TENM2: variants seen among roughly 807,000 people sequenced by gnomAD.
TENM2 encodes the protein teneurin-2.
In TENM2, 52 loss-of-function variants were observed where a neutral mutation model predicts 245.2. The ratio of observed to expected loss-of-function variants is 0.21; its 90% CI spans 0.17 to 0.27. The LOEUF (loss-of-function observed/expected upper bound fraction) is 0.27. Ranked by LOEUF, TENM2 falls within the 10% of genes least tolerant of loss-of-function variation. The pLI is 1.00. For synonymous variants in TENM2, 1,363 were observed against 1,438.9 expected, an observed-to-expected ratio of 0.95 and a Z score of 1.19; for missense variants, 3,046 against 3,666.8, an observed-to-expected ratio of 0.83 and a Z score of 4.37.
chr5:167,109,416 G>A, the TENM2 span, among the ~76,000 whole-genome samples: 2 of 151,504 alleles, frequency 1.3e-5, no homozygotes, highest in Admixed American at 1.3e-4. Context: ...GATCAATTTT[G>A]CATACAGCAG....
chr5:167,755,413 A>ATT (rs138368489), intron 2 of TENM2, among the ~76,000 whole-genome samples: 21 of 149,178 alleles, frequency 1.4e-4, no homozygotes, highest in East Asian at 1.2e-3. Flanking sequence ...GTTGATCTGA[A>ATT]TTTTTTTTTT....
chr5:167,139,448 G>A, the TENM2 span, among the ~76,000 whole-genome samples: 52 of 152,224 alleles, frequency 3.4e-4, 1 homozygote, highest in Admixed American at 1.8e-3. Context: ...TCATATTTTG[G>A]GCGTAAGACC....
the TENM2 span, among the ~76,000 whole-genome samples, chr5:167,207,134 C>T: frequency 9.2e-5 from 14 of 152,188 alleles, no homozygotes; most frequent in Non-Finnish European, 1.6e-4. Context: ...CAAGTTTATT[C>T]CAGTTCTAAA....
chr5:168,151,781 A>T (rs1756675642), intron 12 of TENM2, among the ~76,000 whole-genome samples: 1 of 152,170 alleles, frequency 6.6e-6, no homozygotes, highest in South Asian at 2.1e-4. Context: ...AAAACAAGTG[A>T]CTTGGTATAA....
the TENM2 span, among the ~76,000 whole-genome samples, chr5:167,255,059 ATTTCT>A: frequency 3.5e-5 from 5 of 144,192 alleles, no homozygotes; most frequent in Admixed American, 1.4e-4. Context: ...CAGAGAATGT[ATTTCT>A]TTTCTTTTCT....
intron 2 of TENM2, among the ~76,000 whole-genome samples, chr5:167,772,451 G>T (rs1582968999): frequency 6.6e-6 from 1 of 152,164 alleles, no homozygotes; most frequent in South Asian, 2.1e-4. Context: ...TAGGCAGCAT[G>T]GCTCTCTATT....
chr5:167,217,758 G>C, the TENM2 span, among the ~76,000 whole-genome samples: 498 of 148,378 alleles, frequency 3.4e-3, 4 homozygotes, highest in African/African-American at 0.012. Flanking sequence ...ATGTGAGACA[G>C]ATATATATAT....
chr5:168,251,925 G>A (rs934302156), intron 27 of TENM2, among the ~76,000 whole-genome samples: 1 of 152,220 alleles, frequency 6.6e-6, no homozygotes, highest in Non-Finnish European at 1.5e-5. Flanking sequence ...ATCTGGGCAG[G>A]AACACAAATT....
chr5:168,046,569 G>T (rs1359488476), intron 5 of TENM2, among the ~76,000 whole-genome samples: 1 of 152,162 alleles, frequency 6.6e-6, no homozygotes, highest in Non-Finnish European at 1.5e-5. Flanking sequence ...GTGGGGAGTT[G>T]ACACAGGCAG....
chr5:167,962,669 A>C (rs550083291), intron 4 of TENM2, among the ~76,000 whole-genome samples: 1 of 152,302 alleles, frequency 6.6e-6, no homozygotes, highest in South Asian at 2.1e-4. Context: ...TCATGGTAGA[A>C]AGGGAAGCAA....
At chr5:168,044,102 A>G (rs905915183) in intron 5 of TENM2, among the ~76,000 whole-genome samples, 2 of 152,176 alleles carry the variant, frequency 1.3e-5, no homozygotes, top group African/African-American at 4.8e-5. Context: ...AATGTCTACT[A>G]TGGTACCTGG....
the TENM2 span, among the ~76,000 whole-genome samples, chr5:167,127,757 A>T: frequency 3.4e-4 from 52 of 152,240 alleles, no homozygotes; most frequent in Non-Finnish European, 6.9e-4. Context: ...TGAACACATT[A>T]AAATTTTCAT....
intron 12 of TENM2, among the ~76,000 whole-genome samples, chr5:168,148,781 C>T (rs1756344806): frequency 6.6e-6 from 1 of 152,064 alleles, no homozygotes; most frequent in African/African-American, 2.4e-5. Flanking sequence ...GGTCGTTTGA[C>T]ACTTACTGTT....
At chr5:167,008,139 C>A in the TENM2 span, among the ~76,000 whole-genome samples, 2 of 152,190 alleles carry the variant, frequency 1.3e-5, no homozygotes, top group Non-Finnish European at 2.9e-5. Context: ...GGAACTCAAA[C>A]TAAGACACGT....
chr5:168,006,401 A>T (rs1784824269), intron 5 of TENM2, among the ~76,000 whole-genome samples: 1 of 152,164 alleles, frequency 6.6e-6, no homozygotes, highest in Non-Finnish European at 1.5e-5. Context: ...GTGCATATAG[A>T]TTCTCCATGT....
At chr5:167,101,663 A>G in the TENM2 span, among the ~76,000 whole-genome samples, 1 of 151,144 alleles carries the variant, frequency 6.6e-6, no homozygotes, top group Middle Eastern at 3.4e-3. Flanking sequence ...CCCTCTTGGG[A>G]ATCCCTCTTG....
intron 2 of TENM2, among the ~76,000 whole-genome samples, chr5:167,680,165 A>T (rs1756606928): frequency 6.6e-6 from 1 of 152,032 alleles, no homozygotes; most frequent in Admixed American, 6.6e-5. Flanking sequence ...ACCAATATTG[A>T]GCCCATTTAA....
At chr5:167,202,546 T>C in the TENM2 span, among the ~76,000 whole-genome samples, 1 of 152,198 alleles carries the variant, frequency 6.6e-6, no homozygotes, top group Non-Finnish European at 1.5e-5. Flanking sequence ...CTCTTCTTCA[T>C]TTGCTGGTTT....
In TENM2 at chr5:167,350,333, A is replaced by G. The variant is rs1324438410; in HGVS notation, c.227-24865A>G. Among the ~76,000 whole-genome samples the G allele has an allele frequency of 2.6e-5, 4 of 151,914 alleles. No homozygotes were observed. The East Asian group carries it at 7.7e-4, about 29-fold the overall frequency. ...GTTGTATACCTTTCCTATAAAACAC[A>G]ACTTCAAACAATTCAATACTTTCTG... is the stretch of plus-strand genomic sequence containing the variant. On this transcript the variant is annotated intron_variant, in intron 1 of 28. Coordinates refer to ENST00000518659, the Ensembl canonical transcript of TENM2.
Sources: allele counts gnomAD v4.1 joint callset (sites outside exome capture counted in the v4.1 genomes callset), GRCh38; gene constraint gnomAD v4.1.1; transcripts MANE v1.5; gene names NCBI Gene and HGNC (gene_info 2026-07-23, HGNC 2026-07-21).